The following TEX2 variants were observed in gnomAD, a reference collection of about 807,000 sequenced individuals.
TEX2 encodes testis-expressed protein 2.
TEX2 carries 53 observed loss-of-function variants against 106.9 expected under a neutral mutation model. The observed-to-expected ratio is 0.50, with a 90% CI of 0.40 to 0.62. The LOEUF (loss-of-function observed/expected upper bound fraction) is 0.62. TEX2 is among the 20% of genes least tolerant of loss of function. The pLI, the probability that TEX2 is intolerant of heterozygous loss-of-function variation, is 0.00. For synonymous variants in TEX2, 523 were observed against 534.8 expected, an observed-to-expected ratio of 0.98 and a Z score of 0.30; for missense variants, 1,207 against 1,379.0, an observed-to-expected ratio of 0.88 and a Z score of 1.98.
intron 1 of TEX2, among the ~76,000 whole-genome samples, chr17:64,221,635 A>G (rs12937695): frequency 0.074 from 11,195 of 152,312 alleles, 513 homozygotes; most frequent in Non-Finnish European, 0.11. Flanking sequence ...GTTTCTCAAA[A>G]GTTAAAAATA....
At chr17:64,224,679 C>A (rs541183628) in intron 1 of TEX2, among the ~76,000 whole-genome samples, 1 of 152,076 alleles carries the variant, frequency 6.6e-6, no homozygotes, top group Non-Finnish European at 1.5e-5. Context: ...AGGGTTTAGA[C>A]GAAGAAACTA....
intron 2 of TEX2, among the ~76,000 whole-genome samples, chr17:64,198,452 C>G (rs527829879): frequency 6.6e-6 from 1 of 151,452 alleles, no homozygotes; most frequent in Admixed American, 6.6e-5. Context: ...CCATGAAGGG[C>G]GGGGGGAAGT....
intron 7 of TEX2, among the ~76,000 whole-genome samples, chr17:64,170,622 CTTTTTTTTT>C (rs71156002): frequency 8.1e-5 from 6 of 73,744 alleles, no homozygotes; most frequent in South Asian, 5.4e-4. Context: ...TATTCCAAAT[CTTTTTTTTT>C]TTTTTTTTTT....
intron 1 of TEX2, among the ~76,000 whole-genome samples, chr17:64,238,969 A>G (rs557696318): frequency 6.6e-6 from 1 of 152,262 alleles, no homozygotes; most frequent in Non-Finnish European, 1.5e-5. Flanking sequence ...ATTAGCTTTT[A>G]TTGAAGATTT....
At chr17:64,228,661 G>A (rs2033576424) in intron 1 of TEX2, among the ~76,000 whole-genome samples, 1 of 152,108 alleles carries the variant, frequency 6.6e-6, no homozygotes, top group Admixed American at 6.5e-5. Context: ...CTCACCCACA[G>A]CTCACCTCCT....
At chr17:64,196,529 T>G (rs1037560606) in intron 2 of TEX2, among the ~76,000 whole-genome samples, 2 of 152,192 alleles carry the variant, frequency 1.3e-5, no homozygotes, top group East Asian at 3.8e-4. Flanking sequence ...CAGCATCTAT[T>G]CAACAATATT....
chr17:64,184,078 G>A (rs939754395), intron 5 of TEX2, among the ~76,000 whole-genome samples: 1 of 152,116 alleles, frequency 6.6e-6, no homozygotes, highest in Non-Finnish European at 1.5e-5. Flanking sequence ...ATCTTCTTTG[G>A]AGAAATGTCT....
intron 8 of TEX2, among the ~76,000 whole-genome samples, chr17:64,159,724 G>A (rs1050064013): frequency 3.3e-5 from 5 of 152,088 alleles, no homozygotes; most frequent in Admixed American, 6.6e-5. Context: ...ACAGATTGCC[G>A]AATCCAAACA....
Position 64,212,992 on chromosome 17 carries a change from G to A in TEX2, c.1226C>T (p.Ala409Val), listed in dbSNP as rs782624474. The A allele has an allele frequency of 6.2e-7, 1 of 1,614,160 alleles. No homozygotes were observed. The highest frequency in any genetic ancestry group is 8.5e-7 in the Non-Finnish European group (1 of 1,180,036). ...SLVLEKCSLS[A>V]LVSKEDEEFC... The stretch of plus-strand genomic sequence containing the variant: ...CTCTTCATCTTCTTTGCTCACTAAG[G>A]CAGACAAAGAACATTTCTCCAGAAC... Residue 409 changes from alanine (A) to valine (V), a missense_variant, in exon 2 of 12, where the codon GCC (alanine) becomes GTC (valine). Coordinates refer to ENST00000584379, the MANE Select transcript of TEX2 (RefSeq NM_001288732.2).
chr17:64,213,971 G>T lies in TEX2; in HGVS notation c.247C>A (p.His83Asn). Residue 83 changes from histidine (H) to asparagine (N), a missense_variant, in exon 2 of 12, where the codon CAT becomes AAT. By Grantham distance (68) the His-to-Asn change is moderately conservative. Coordinates refer to ENST00000584379, the MANE Select transcript of TEX2 (RefSeq NM_001288732.2). This position sits in a 1 kb window ranked among gnomAD's most constrained non-coding sequence, Gnocchi z 4.4. ...EDLYLEPQVG[H>N]DPAGPAASPV... is the part of the protein sequence containing the mutation. ...GAGGCAGCAGGGCCGGCGGGGTCAT[G>T]GCCAACTTGGGGTTCAAGATAGAGG... 1 of 1,614,186 alleles carries T rather than the reference G, an allele frequency of 6.2e-7. No individual in the cohort carries two copies. The highest frequency in any genetic ancestry group is 8.5e-7 in the Non-Finnish European group (1 of 1,180,020).
At position 64,149,102 on chromosome 17, in the gene TEX2, ATATTAAAGAACAGC is replaced by A; in HGVS notation, c.3262-25_3262-12del. 6.2e-7 allele frequency: 1 copy of A among 1,613,436 alleles called. No individual in the cohort carries two copies. The highest frequency in any genetic ancestry group is 8.5e-7 in the Non-Finnish European group (1 of 1,179,592). On this transcript the variant is annotated splice_polypyrimidine_tract_variant and intron_variant, in intron 11 of 11. Coordinates refer to ENST00000584379, the MANE Select transcript of TEX2 (RefSeq NM_001288732.2). ...CATGACAAAAACTTTCTGTAGGAAG[ATATTAAAGAACAGC>A]TATGTGGAAGAATGCCTTGCCAGGC...
chr17:64,167,535 T>G (rs567329325), intron 7 of TEX2, among the ~76,000 whole-genome samples: 1 of 152,260 alleles, frequency 6.6e-6, no homozygotes, highest in East Asian at 1.9e-4. Flanking sequence ...AATCCCTGTT[T>G]GAGCTGGGCG....
intron 2 of TEX2, among the ~76,000 whole-genome samples, chr17:64,199,270 T>C (rs2032579965): frequency 6.6e-6 from 1 of 152,218 alleles, no homozygotes; most frequent in African/African-American, 2.4e-5. Flanking sequence ...GGAGTCTCGC[T>C]CTGTTGCCCA....
intron 1 of TEX2, among the ~76,000 whole-genome samples, chr17:64,245,480 G>A (rs1474477682): frequency 1.3e-5 from 2 of 152,250 alleles, no homozygotes; most frequent in African/African-American, 4.8e-5. Context: ...TTAACCATTT[G>A]TCATCGTGTA....
Position 64,247,139 on chromosome 17 carries a change from G to A in TEX2, c.-26+16029C>T, listed in dbSNP as rs369581412. ...CTAAAATTACAAAAATTAGCTGGGC[G>A]TGGTGGCAGGTGCCAGCTACTTGGG... On this transcript the variant is annotated intron_variant, in intron 1 of 11. Transcript: ENST00000584379. 2.8e-4 allele frequency among the ~76,000 whole-genome samples: 42 copies of A among 151,960 alleles called. No individual in the cohort carries two copies. The East Asian group carries it at 7.4e-3, about 27-fold the overall frequency.
At chr17:64,201,976 G>A (rs1555630146) in intron 2 of TEX2, among the ~76,000 whole-genome samples, 1 of 152,210 alleles carries the variant, frequency 6.6e-6, no homozygotes, top group Non-Finnish European at 1.5e-5. Context: ...TATAAGTACA[G>A]TGCTAGCTGT....
At chr17:64,188,505 T>C (rs1185698324) in intron 4 of TEX2, 90 bp from the exon 5 acceptor site, 1 of 1,571,204 alleles carries the variant, frequency 6.4e-7, no homozygotes, top group African/African-American at 1.4e-5. Flanking sequence ...TACAATGCTA[T>C]CAAATGACTG....
At chr17:64,150,315 T>G (rs929480340) in intron 11 of TEX2, 1 of 152,266 alleles carries the variant, frequency 6.6e-6, no homozygotes, top group Non-Finnish European at 1.5e-5. Flanking sequence ...AAGCTCTGGC[T>G]TAATGAACTC....
At chr17:64,244,511 C>A (rs1555636098) in intron 1 of TEX2, among the ~76,000 whole-genome samples, 3 of 152,126 alleles carry the variant, frequency 2.0e-5, no homozygotes, top group Non-Finnish European at 2.9e-5. Flanking sequence ...CAAGAAAGAT[C>A]AAAATTAATG....
Sources: gnomAD v4.1 joint callset for allele counts (sites outside exome capture counted in the v4.1 genomes callset) on GRCh38, gnomAD v4.1.1 for gene constraint, Gnocchi (gnomAD v3.1) non-coding constraint, MANE v1.5 for transcripts, NCBI Gene and HGNC (gene_info 2026-07-23, HGNC 2026-07-21) for gene names.